The following CACNA1B variants were observed in gnomAD, a reference collection of about 807,000 sequenced individuals.
The protein encoded by CACNA1B is voltage-dependent N-type calcium channel subunit alpha-1B.
Under a neutral mutation model 247.2 loss-of-function variants are expected in CACNA1B, and 70 were observed. That is an observed-to-expected ratio of 0.28 (90% CI 0.23 to 0.35). The LOEUF (loss-of-function observed/expected upper bound fraction) is 0.35, where lower values mean the gene tolerates loss of function less well. CACNA1B is among the 10% of genes least tolerant of loss of function. The probability of loss-of-function intolerance (pLI) is 1.00; values close to 1 mark genes in which losing one functional copy is unlikely to be tolerated. For synonymous variants in CACNA1B, 1,231 were observed against 1,294.4 expected (o/e 0.95, Z 1.05); for missense variants, 2,367 against 3,197.4 (o/e 0.74, Z 6.26).
intron 42 of CACNA1B, 63 bp downstream of exon 42, chr9:138,115,742 G>A (rs1961832219): frequency 8.0e-6 from 12 of 1,507,366 alleles, no homozygotes; most frequent in Non-Finnish European, 1.1e-5. Flanking sequence ...AAAGGGGGAA[G>A]CAGACATCCC....
At chr9:138,029,557 G>A (rs1219224843) in intron 20 of CACNA1B, among the ~76,000 whole-genome samples, 3 of 145,494 alleles carry the variant, frequency 2.1e-5, no homozygotes, top group African/African-American at 5.1e-5. Flanking sequence ...CTGTTTCAGT[G>A]TTTTTCCTCC....
intron 20 of CACNA1B, among the ~76,000 whole-genome samples, chr9:138,026,237 C>T (rs779085354): frequency 5.4e-4 from 82 of 152,340 alleles, no homozygotes; most frequent in Non-Finnish European, 1.0e-3. Context: ...TGCTCAGCCT[C>T]CCCTTTTCCT....
rs750199564 is a variant in CACNA1B at position 138,052,235 on chromosome 9, CGTGT to C, written c.3807+57_3807+60del. On this transcript the variant is annotated intron_variant, in intron 25 of 46. Coordinates refer to ENST00000371372, the MANE Select transcript of CACNA1B (RefSeq NM_000718.4). This position sits in a 1 kb window ranked among gnomAD's most constrained non-coding sequence, Gnocchi z 5.1. ...TTGAGGGATGTGCTGTGTGTGTGTG[CGTGT>C]GTGTGTGTGCGTGTGTGTGTGTGTA... 3.2e-6 allele frequency: 3 copies of C among 948,706 alleles called. No homozygotes were observed. The highest frequency in any genetic ancestry group is 2.0e-5 in the Admixed American group (1 of 50,412). 58.8% of individuals were successfully genotyped at this position (948,706 alleles called of 1,614,324 possible).
chr9:138,027,644 GTT>G (rs145030117), intron 20 of CACNA1B, among the ~76,000 whole-genome samples: 40 of 152,194 alleles, frequency 2.6e-4, no homozygotes, highest in Admixed American at 2.5e-3. Flanking sequence ...TTCAGTAAGT[GTT>G]TTTATCTGGA....
chr9:137,885,357 C>T (rs12552636), intron 3 of CACNA1B, among the ~76,000 whole-genome samples: 3 of 152,186 alleles, frequency 2.0e-5, no homozygotes, highest in Non-Finnish European at 4.4e-5. Flanking sequence ...GTCTGCTGTG[C>T]GGCGAGTGCT....
intron 39 of CACNA1B, among the ~76,000 whole-genome samples, chr9:138,111,116 G>T (rs1410705839): frequency 6.6e-6 from 1 of 152,196 alleles, no homozygotes; most frequent in Middle Eastern, 3.2e-3. Flanking sequence ...AGAAAATGGT[G>T]CAGCCCCTTA....
At chr9:137,972,945 T>C (rs903588980) in intron 11 of CACNA1B, among the ~76,000 whole-genome samples, 2 of 152,160 alleles carry the variant, frequency 1.3e-5, no homozygotes, top group East Asian at 3.9e-4. Context: ...GGACTTTGCT[T>C]GGGCCTGAGT....
chr9:138,079,742 C>CAAA (rs141292393), intron 36 of CACNA1B, among the ~76,000 whole-genome samples: 55 of 41,640 alleles, frequency 1.3e-3, no homozygotes, highest in South Asian at 2.2e-3. Context: ...GACTCCATCT[C>CAAA]AAAAAAAAAA....
chr9:137,971,321 A>G lies in CACNA1B; in HGVS notation c.1334-62A>G. 8.0e-7 allele frequency: 1 copy of G among 1,250,534 alleles called. No homozygotes were observed. Among genetic ancestry groups the G allele is most frequent in the South Asian group, 1.3e-5 (1 of 77,182 alleles). The allele number at this position is 1,250,534 out of a possible 1,614,324, so 77.5% of individuals were successfully genotyped here. ...CTCCAGAGTGCGTCTGTGGGGGTCC[A>G]CAGGTGGGGTAGGCGGGTGCCCATT... On this transcript the variant is annotated intron_variant, in intron 10 of 46. Transcript: ENST00000371372. This position sits in a 1 kb window ranked among gnomAD's most constrained non-coding sequence, Gnocchi z 4.4.
intron 3 of CACNA1B, among the ~76,000 whole-genome samples, chr9:137,896,603 G>A (rs1415014575): frequency 6.6e-6 from 1 of 152,152 alleles, no homozygotes; most frequent in East Asian, 1.9e-4. Context: ...TACCGTCTTT[G>A]TCTTGTTTTG....
chr9:138,115,067 G>T (rs780153023), intron 41 of CACNA1B, among the ~76,000 whole-genome samples: 1 of 152,140 alleles, frequency 6.6e-6, no homozygotes, highest in African/African-American at 2.4e-5. Context: ...AATATGTGGT[G>T]CTCAGGCCAC....
chr9:137,962,096 G>T (rs1418347942), intron 10 of CACNA1B, among the ~76,000 whole-genome samples: 1 of 152,016 alleles, frequency 6.6e-6, no homozygotes, highest in Non-Finnish European at 1.5e-5. Flanking sequence ...TTTATTCCTG[G>T]TTCAATCTTA....
At chr9:137,893,243 T>A (rs1236977990) in intron 3 of CACNA1B, among the ~76,000 whole-genome samples, 3 of 151,518 alleles carry the variant, frequency 2.0e-5, no homozygotes, top group Non-Finnish European at 4.4e-5. Flanking sequence ...TTTTTTTTTT[T>A]TTTTTTAAAG....
rs978453351 is a variant in CACNA1B, at chr9:138,073,139, T to C, written c.4675-349T>C. Among the ~76,000 whole-genome samples the C allele has an allele frequency of 1.3e-5, 2 of 152,174 alleles. No homozygotes were observed. The highest frequency in any genetic ancestry group is 2.9e-5 in the Non-Finnish European group (2 of 68,030). ...GTGTCCTGCAAGAGGTGGTCACTGC[T>C]GGAGGCCCAGCCACAGGTGATCTCC... On this transcript the variant is annotated intron_variant, in intron 32 of 46. Coordinates refer to ENST00000371372, the MANE Select transcript of CACNA1B (RefSeq NM_000718.4). The surrounding 1 kb of genome is among the most constrained non-coding windows in gnomAD (Gnocchi z 6.4).
intron 39 of CACNA1B, 33 bp from the exon 40 acceptor site, chr9:138,112,365 C>A: frequency 6.5e-7 from 1 of 1,530,560 alleles, no homozygotes; most frequent in Non-Finnish European, 9.1e-7. Flanking sequence ...ACATCTCTGT[C>A]TTTTCCCCTT....
chr9:137,963,323 G>T (rs1467791831), intron 10 of CACNA1B, among the ~76,000 whole-genome samples: 1 of 152,116 alleles, frequency 6.6e-6, no homozygotes, highest in African/African-American at 2.4e-5. Flanking sequence ...ATGGGTATTG[G>T]TTCTTTAACC....
chr9:138,093,750 C>A (rs11137368), intron 36 of CACNA1B, among the ~76,000 whole-genome samples: 1 of 151,456 alleles, frequency 6.6e-6, no homozygotes, highest in East Asian at 1.9e-4. Context: ...AAAAAAAAAA[C>A]TAATAAATTA....
Position 137,950,271 on chromosome 9 carries a change from G to A in CACNA1B, c.967-2003G>A, listed in dbSNP as rs1033827994. Among the ~76,000 whole-genome samples, 3 of 152,244 alleles carry A rather than the reference G, an allele frequency of 2.0e-5. No individual in the cohort carries two copies. The highest frequency in any genetic ancestry group is 2.9e-5 in the Non-Finnish European group (2 of 68,044). ...TCTCCACGTGATTTCTGCACACTGTGTGTGGGTGGGCGGCTTTGTGACTGC... is the reference window on the plus strand; with the variant it reads ...TCTCCACGTGATTTCTGCACACTGTATGTGGGTGGGCGGCTTTGTGACTGC... On this transcript the variant is annotated intron_variant, in intron 6 of 46. Coordinates refer to ENST00000371372, the MANE Select transcript of CACNA1B (RefSeq NM_000718.4). This position sits in a 1 kb window ranked among gnomAD's most constrained non-coding sequence, Gnocchi z 4.8.
rs1019513576 is a variant in CACNA1B at position 138,073,414 on chromosome 9, G to A, written c.4675-74G>A. ...TGGGGCCACAGGGATGTGGGAAGAGGTTGTAGGGTGGCAGCAGCTTGCCTG... is the reference window on the plus strand; with the variant it reads ...TGGGGCCACAGGGATGTGGGAAGAGATTGTAGGGTGGCAGCAGCTTGCCTG... On this transcript the variant is annotated intron_variant, in intron 32 of 46. Coordinates refer to ENST00000371372, the MANE Select transcript of CACNA1B (RefSeq NM_000718.4). This position sits in a 1 kb window ranked among gnomAD's most constrained non-coding sequence, Gnocchi z 6.4. 1 of 850,070 alleles carries A rather than the reference G, an allele frequency of 1.2e-6. No individual in the cohort carries two copies. The highest frequency in any genetic ancestry group is 2.0e-6 in the Non-Finnish European group (1 of 491,234). The allele number at this position is 850,070 out of a possible 1,614,324, so 52.7% of individuals were successfully genotyped here.
Sources: gnomAD v4.1 joint callset for allele counts (sites outside exome capture counted in the v4.1 genomes callset) on GRCh38, gnomAD v4.1.1 for gene constraint, Gnocchi (gnomAD v3.1) non-coding constraint, MANE v1.5 for transcripts, NCBI Gene and HGNC (gene_info 2026-07-23, HGNC 2026-07-21) for gene names.